Variants in CD247 observed in about 807,000 individuals in gnomAD.
CD247 encodes CD247 molecule, also known as T-cell surface glycoprotein CD3 zeta chain.
CD247 carries 13 observed loss-of-function variants against 30.0 expected under a neutral mutation model. The ratio of observed to expected loss-of-function variants is 0.43; its 90% CI spans 0.28 to 0.69. The LOEUF (loss-of-function observed/expected upper bound fraction) is 0.69. CD247 is among the 30% of genes least tolerant of loss of function. CD247 has a pLI of 0.16. For missense variants in CD247, 193 were observed against 212.6 expected (o/e 0.91, Z 0.57); for synonymous variants, 72 against 80.0 (o/e 0.90, Z 0.53).
chr1:167,484,106 C>A (rs543784440), intron 1 of CD247, among the ~76,000 whole-genome samples: 2 of 152,322 alleles, frequency 1.3e-5, no homozygotes, highest in South Asian at 2.1e-4. Context: ...AATACAAAAT[C>A]GCAGGTGAGA....
rs562168930 is a variant in CD247 at position 167,445,521 on chromosome 1, C to A, written c.59-4754G>T. On this transcript the variant is annotated intron_variant, in intron 1 of 7. Coordinates refer to ENST00000362089, the MANE Select transcript of CD247 (RefSeq NM_198053.3). ...ATTAGTGACAGTGAGCCTCGCCATC[C>A]CTTTGTAGCCTTTTGTCATCTTCAT... 3.9e-5 allele frequency among the ~76,000 whole-genome samples: 5 copies of A among 126,590 alleles called. No individual in the cohort carries two copies. In the South Asian group the frequency reaches 1.4e-3, roughly 37 times the overall value. The allele number at this position is 126,590 out of a possible 152,430, so 83.0% of individuals were successfully genotyped here.
At position 167,452,470 on chromosome 1, in the gene CD247, G is replaced by A. The variant is rs1300203399; in HGVS notation, c.59-11703C>T. 4.6e-5 allele frequency among the ~76,000 whole-genome samples: 7 copies of A among 151,676 alleles called. No homozygotes were observed. The East Asian group carries it at 5.8e-4, about 13-fold the overall frequency. On this transcript the variant is annotated intron_variant, in intron 1 of 7. Transcript: ENST00000362089. ...CAGACATGTACAGAGGGAAGATGCC[G>A]TGAAGATGATGTAAAGACACAGGGA...
At chr1:167,508,255 G>A (rs775866823) in intron 1 of CD247, among the ~76,000 whole-genome samples, 2 of 150,702 alleles carry the variant, frequency 1.3e-5, no homozygotes, top group South Asian at 2.1e-4. Flanking sequence ...ATTGCGCGAC[G>A]AGATGCTCCG....
At chr1:167,436,531 G>T (rs192312542) in intron 4 of CD247, among the ~76,000 whole-genome samples, 336 of 152,252 alleles carry the variant, frequency 2.2e-3, no homozygotes, top group Non-Finnish European at 3.8e-3. Flanking sequence ...TTCAATAAAC[G>T]GTGTTGGAAA....
chr1:167,457,461 A>T (rs1652747510), intron 1 of CD247: 1 of 152,320 alleles, frequency 6.6e-6, no homozygotes, highest in African/African-American at 2.4e-5. Flanking sequence ...CACTGGAGTT[A>T]TCCTGGATGG....
intron 1 of CD247, among the ~76,000 whole-genome samples, chr1:167,509,369 C>CAAAA (rs35004744): frequency 5.8e-4 from 37 of 63,732 alleles, no homozygotes; most frequent in Non-Finnish European, 6.9e-4. Flanking sequence ...AACTCTGTCT[C>CAAAA]AAAAAAAAAA....
intron 1 of CD247, among the ~76,000 whole-genome samples, chr1:167,468,491 A>G (rs1164967033): frequency 6.6e-6 from 1 of 152,044 alleles, no homozygotes; most frequent in Non-Finnish European, 1.5e-5. Flanking sequence ...AAGCCAAAAC[A>G]CCTCTTCCAG....
chr1:167,505,589 G>A (rs575303727), intron 1 of CD247, among the ~76,000 whole-genome samples: 2 of 152,242 alleles, frequency 1.3e-5, no homozygotes, highest in South Asian at 2.1e-4. Flanking sequence ...CTCGCCCTCC[G>A]GCAGCCTGTT....
At chr1:167,470,872 C>CTTT (rs768647657) in intron 1 of CD247, among the ~76,000 whole-genome samples, 9 of 134,250 alleles carry the variant, frequency 6.7e-5, no homozygotes, top group African/African-American at 8.3e-5. Context: ...TTCTTTCTTT[C>CTTT]TTTTTTTTTT....
At chr1:167,461,535 G>A (rs1653005208) in intron 1 of CD247, among the ~76,000 whole-genome samples, 1 of 152,198 alleles carries the variant, frequency 6.6e-6, no homozygotes, top group Admixed American at 6.5e-5. Context: ...TAGTGTATAA[G>A]AATATGTAAT....
intron 1 of CD247, among the ~76,000 whole-genome samples, chr1:167,468,349 C>T (rs1426527906): frequency 6.6e-6 from 1 of 152,218 alleles, no homozygotes; most frequent in African/African-American, 2.4e-5. Flanking sequence ...ACTTCGCACT[C>T]CCTCAGTTGA....
intron 1 of CD247, among the ~76,000 whole-genome samples, chr1:167,511,410 A>G (rs1047853537): frequency 6.6e-6 from 1 of 152,178 alleles, no homozygotes; most frequent in Admixed American, 6.5e-5. Context: ...TTGAACTGCA[A>G]ATTGAGGCGC....
At chr1:167,502,372 T>C (rs1654950634) in intron 1 of CD247, among the ~76,000 whole-genome samples, 1 of 152,204 alleles carries the variant, frequency 6.6e-6, no homozygotes, top group East Asian at 1.9e-4. Flanking sequence ...GAAATTACAA[T>C]GTTGACTCAA....
intron 1 of CD247, chr1:167,457,295 C>T (rs1337088269): frequency 6.6e-6 from 1 of 152,366 alleles, no homozygotes; most frequent in Admixed American, 6.5e-5. Context: ...CCTGGGCGCT[C>T]TGTAGCATGC....
intron 1 of CD247, among the ~76,000 whole-genome samples, chr1:167,492,320 T>G (rs965270614): frequency 1.3e-5 from 2 of 152,158 alleles, no homozygotes; most frequent in Non-Finnish European, 2.9e-5. Context: ...GCTGTTAGCC[T>G]GTTTCACCGA....
intron 6 of CD247, among the ~76,000 whole-genome samples, chr1:167,433,676 G>T (rs1398503890): frequency 1.3e-5 from 2 of 152,212 alleles, no homozygotes; most frequent in Admixed American, 1.3e-4. Context: ...AATTGTTGAT[G>T]AATTGTTTTC....
At chr1:167,438,437 C>T (rs1479741508) in intron 4 of CD247, 133 bp downstream of exon 4, 2 of 785,544 alleles carry the variant, frequency 2.5e-6, no homozygotes, top group African/African-American at 1.7e-5. Flanking sequence ...GTCTCCATCT[C>T]TTCTCTTGTC....
chr1:167,435,574 G>T, intron 4 of CD247, 140 bp from the exon 5 acceptor site: 1 of 747,070 alleles, frequency 1.3e-6, no homozygotes, highest in Non-Finnish European at 2.4e-6. Flanking sequence ...TGCTACCCCA[G>T]CCTTGCCTAG....
chr1:167,500,800 C>T (rs543947438), intron 1 of CD247, among the ~76,000 whole-genome samples: 14 of 152,190 alleles, frequency 9.2e-5, no homozygotes, highest in Non-Finnish European at 1.8e-4. Context: ...AGAGGGTTAT[C>T]GGCCTTGAGG....
Sources: gnomAD v4.1 joint callset for allele counts (sites outside exome capture counted in the v4.1 genomes callset) on GRCh38, gnomAD v4.1.1 for gene constraint, MANE v1.5 for transcripts, NCBI Gene and HGNC (gene_info 2026-07-23, HGNC 2026-07-21) for gene names.